The following STRA6 variants were observed in gnomAD, a reference collection of about 807,000 sequenced individuals.
The protein encoded by STRA6 is receptor for retinol uptake STRA6.
A neutral mutation model predicts 83.6 loss-of-function variants in STRA6; 48 were observed. The ratio of observed to expected loss-of-function variants is 0.57; its 90% CI spans 0.46 to 0.73. STRA6 has a LOEUF of 0.73. Ranked by LOEUF, STRA6 falls within the 30% of genes least tolerant of loss-of-function variation. The pLI is 0.00. For missense variants in STRA6, 760 were observed against 838.8 expected (o/e 0.91, Z 1.16); for synonymous variants, 353 against 362.3 (o/e 0.97, Z 0.29).
At chr15:74,202,353 G>A (rs1595865080) in intron 1 of STRA6, 71 bp from the exon 2 acceptor site, 1 of 1,556,058 alleles carries the variant, frequency 6.4e-7, no homozygotes, top group East Asian at 2.3e-5. Flanking sequence ...GAAAAAAAAA[G>A]AAAGAAAGAC....
At chr15:74,197,942 C>G (rs1357481881) in intron 2 of STRA6, 124 bp from the exon 3 acceptor site, 1 of 1,025,572 alleles carries the variant, frequency 9.8e-7, no homozygotes, top group Non-Finnish European at 1.5e-6. Context: ...CCTCTGATCC[C>G]TCCTACACAA....
intron 2 of STRA6, 147 bp from the exon 3 acceptor site, chr15:74,197,965 C>A: frequency 1.2e-6 from 1 of 823,926 alleles, no homozygotes; most frequent in Non-Finnish European, 2.0e-6. Context: ...CTTCCCAGTC[C>A]CACCTTCTCA....
upstream of STRA6, chr15:74,209,070 C>G (rs2074327177): frequency 8.1e-7 from 1 of 1,237,218 alleles, no homozygotes; most frequent in South Asian, 2.4e-5. Context: ...TCCAGTCTGG[C>G]TCTGCCCCTC....
chr15:74,209,493 G>GC (rs2074336029), upstream of STRA6: 1 of 1,500,660 alleles, frequency 6.7e-7, no homozygotes, highest in African/African-American at 1.4e-5. Flanking sequence ...CCTGACCACA[G>GC]CTAAGGGGAG....
chr15:74,195,614 T>C, intron 6 of STRA6, 38 bp downstream of exon 6: 1 of 1,550,028 alleles, frequency 6.5e-7, no homozygotes. Flanking sequence ...AAATCCAGGC[T>C]CTGACTAGTC....
rs8037755 is a variant in STRA6, at chr15:74,208,662, C to T, written c.-16+138G>A. ...TCCAAACTTACTCATCAGAATTGCT[C>T]CAGCCCATCACTCTGCTCACTTCCT... On this transcript the variant is annotated intron_variant, in intron 1 of 18. Transcript: ENST00000323940. 7.5e-3 allele frequency: 7,286 copies of T among 971,294 alleles called. 415 individuals carry two copies. The African/African-American group carries it at 0.12, about 16-fold the overall frequency. The allele number at this position is 971,294 out of a possible 1,614,324, so 60.2% of individuals were successfully genotyped here. A position where few individuals can be genotyped will look rare whatever the true frequency, so the allele number is the denominator to read the frequency against.
At chr15:74,183,467 A>C in intron 14 of STRA6, 1 of 1,125,540 alleles carries the variant, frequency 8.9e-7, no homozygotes, top group Admixed American at 4.1e-5. Flanking sequence ...GCTGGTCTTC[A>C]TCTCCTGACT....
At chr15:74,197,454 G>T in intron 3 of STRA6, 31 bp from the exon 4 acceptor site, 2 of 1,526,684 alleles carry the variant, frequency 1.3e-6, no homozygotes, top group Non-Finnish European at 1.8e-6. Context: ...AGGGCTTGGG[G>T]TGCCCAGGCC....
rs531210205 is a variant in STRA6 at position 74,194,151 on chromosome 15, C to T, written c.598-229G>A. On this transcript the variant is annotated intron_variant, in intron 7 of 18. Transcript: ENST00000395105. ...CCTCCCCCAGGCTCCTGGATCCCCA[C>T]GGGCCTGAGAGGAGCCAAGAGGAGG... is the stretch of plus-strand genomic sequence containing the variant. Among the ~76,000 whole-genome samples, 12 of 148,404 alleles carry T rather than the reference C, an allele frequency of 8.1e-5. No individual in the cohort carries two copies. The South Asian group carries it at 2.3e-3, about 28-fold the overall frequency.
Position 74,183,864 on chromosome 15 carries a change from A to G in STRA6, c.1292T>C (p.Ile431Thr), listed in dbSNP as rs1437519608. Residue 431 changes from isoleucine to threonine, a missense_variant, in exon 14 of 19, where the codon ATC (isoleucine) becomes ACC (threonine). Transcript: ENST00000395105. ...MSFSAYQTAF[I>T]CLGLLVQQII... ...GGGCAAGGGAGGCTCACCAAGGCAG[A>G]TAAAGGCTGTCTGGTAGGCACTGAA... The G allele has an allele frequency of 1.2e-6, 2 of 1,614,052 alleles. No individual in the cohort carries two copies. Among genetic ancestry groups the G allele is most frequent in the South Asian group, 2.2e-5 (2 of 91,084 alleles).
rs773325247 is a variant in STRA6 at position 74,195,428 on chromosome 15, G to A, written c.471C>T (p.Leu157=). ...KILGLFYYAA[L]YYPLAACATA... is the part of the protein sequence containing the mutation. ...TGGCACAGGCAGCCAGAGGGTAGTAGAGGGCAGCATAATAGAACAGTCCCA... is the reference window on the plus strand; with the variant it reads ...TGGCACAGGCAGCCAGAGGGTAGTAAAGGGCAGCATAATAGAACAGTCCCA... Residue 157 remains leucine, a synonymous_variant, in exon 7 of 19, where the codon CTC becomes CTT. Coordinates refer to ENST00000395105, the MANE Select transcript of STRA6 (RefSeq NM_022369.4). The A allele has an allele frequency of 6.8e-6, 11 of 1,613,648 alleles. No homozygotes were observed. The highest frequency in any genetic ancestry group is 9.3e-6 in the Non-Finnish European group (11 of 1,179,982).
At chr15:74,198,475 C>CTCTT (rs2073921758) in intron 2 of STRA6, among the ~76,000 whole-genome samples, 1 of 152,178 alleles carries the variant, frequency 6.6e-6, no homozygotes, top group South Asian at 2.1e-4. Flanking sequence ...CCAGGGAGCC[C>CTCTT]CTCTGACTGC....
chr15:74,190,809 G>A (rs2073492255), intron 11 of STRA6, 31 bp downstream of exon 11: 2 of 1,613,948 alleles, frequency 1.2e-6, no homozygotes, highest in Non-Finnish European at 8.5e-7. Flanking sequence ...GGGCTCCAGA[G>A]GCAGATGGCA....
At chr15:74,200,053 C>G (rs973171896) in intron 2 of STRA6, among the ~76,000 whole-genome samples, 2 of 151,250 alleles carry the variant, frequency 1.3e-5, no homozygotes, top group Non-Finnish European at 2.9e-5. Context: ...CCTGTCTCCA[C>G]TAAAAATACA....
chr15:74,201,862 G>T (rs2142083140), intron 2 of STRA6, among the ~76,000 whole-genome samples: 1 of 152,236 alleles, frequency 6.6e-6, no homozygotes, highest in Admixed American at 6.5e-5. Context: ...CACCCAGGGA[G>T]CCATCCCTGC....
In STRA6 at chr15:74,195,634, T is replaced by C. The variant is rs2142052324; in HGVS notation, c.430+18A>G. ...CAGGCTCTGACTAGTCTCAACTCTG[T>C]GATCTTGGGCAAGTTACCTCTTGGA... On this transcript the variant is annotated intron_variant, in intron 6 of 18. Transcript: ENST00000395105. The C allele has an allele frequency of 6.5e-7, 1 of 1,540,000 alleles. No homozygotes were observed. The highest frequency in any genetic ancestry group is 2.0e-5 in the Admixed American group (1 of 50,992).
rs151148422 is a variant in STRA6, at chr15:74,180,952, C to T, written c.1685-15G>A. ...CGTGTAGTAGCCTGGGGTGGGGTGG[C>T]GGATGGCAATGCTGGGGGAGCAGGG... On this transcript the variant is annotated splice_polypyrimidine_tract_variant and intron_variant, in intron 17 of 18. Coordinates refer to ENST00000395105, the MANE Select transcript of STRA6 (RefSeq NM_022369.4). 1.1e-3 allele frequency: 1,767 copies of T among 1,613,140 alleles called. 24 individuals are homozygous for T. In the African/African-American group the frequency reaches 0.021, roughly 19 times the overall value.
intron 7 of STRA6, chr15:74,194,434 T>A (rs1595850193): frequency 3.9e-6 from 4 of 1,026,934 alleles, no homozygotes; most frequent in Non-Finnish European, 4.7e-6. Context: ...TGTGCCAGGT[T>A]CTAGGTGGTG....
chr15:74,200,128 G>A (rs773009755), intron 2 of STRA6, among the ~76,000 whole-genome samples: 1 of 152,242 alleles, frequency 6.6e-6, no homozygotes, highest in Non-Finnish European at 1.5e-5. Context: ...GCTGAGGCAG[G>A]AGAATCACTT....
Sources: allele counts gnomAD v4.1 joint callset (sites outside exome capture counted in the v4.1 genomes callset), GRCh38; gene constraint gnomAD v4.1.1; transcripts MANE v1.5; gene names NCBI Gene and HGNC (gene_info 2026-07-23, HGNC 2026-07-21).